ZNF518B: variants seen among roughly 807,000 people sequenced by gnomAD.
ZNF518B encodes the protein zinc finger protein 518B.
In ZNF518B, 23 loss-of-function variants were observed where a neutral mutation model predicts 56.3. The ratio of observed to expected loss-of-function variants is 0.41; its 90% CI spans 0.29 to 0.58. ZNF518B has a LOEUF of 0.58. Ranked by LOEUF, ZNF518B falls within the 20% of genes least tolerant of loss-of-function variation. The pLI is 0.32. For synonymous variants in ZNF518B, 529 were observed against 465.9 expected (o/e 1.14, Z -1.74); for missense variants, 1,460 against 1,272.1 (o/e 1.15, Z -2.25).
At chr4:10,447,439 C>A (rs1351975263) in intron 2 of ZNF518B, among the ~76,000 whole-genome samples, 1 of 151,990 alleles carries the variant, frequency 6.6e-6, no homozygotes, top group African/African-American at 2.4e-5. Flanking sequence ...AGGCAATGAT[C>A]TGTGGGAAGT....
In ZNF518B at chr4:10,443,973, T is replaced by C. The variant is rs144635768; in HGVS notation, c.2356A>G (p.Asn786Asp). 3 of 1,614,092 alleles carry C rather than the reference T, an allele frequency of 1.9e-6. No individual in the cohort carries two copies. The East Asian group carries it at 6.7e-5, about 36-fold the overall frequency. ...CATGTAGCCTCTATGATGTGGGCAT[T>C]CTCAGAGGAATTAAGAACCCTCAAC... ...AVLRVLNSSE[N>D]AHIIEATCEA... The change falls in exon 3 of 3, where the codon AAT becomes GAT. Residue 786 changes from asparagine (N) to aspartate (D), a missense_variant. By Grantham distance (23) the Asn-to-Asp change is conservative (BLOSUM62 1). Transcript: ENST00000326756.
intron 1 of ZNF518B, among the ~76,000 whole-genome samples, chr4:10,455,220 T>C (rs1398348990): frequency 6.6e-6 from 1 of 152,194 alleles, no homozygotes; most frequent in African/African-American, 2.4e-5. Context: ...TTCTCCCTAG[T>C]TGATTTTGAT....
At chr4:10,453,354 T>C (rs1715402435) in intron 2 of ZNF518B, 5 of 152,230 alleles carry the variant, frequency 3.3e-5, no homozygotes, top group Admixed American at 2.6e-4. Context: ...TGTATCAACA[T>C]GAGTTCATTA....
chr4:10,455,928 A>G (rs768506147), intron 1 of ZNF518B, among the ~76,000 whole-genome samples: 28 of 152,240 alleles, frequency 1.8e-4, no homozygotes, highest in Admixed American at 5.2e-4. Context: ...TTCTAAAACA[A>G]TATTTTCTGA....
rs1268366482 is a variant in ZNF518B, at chr4:10,444,545, C to T, written c.1784G>A (p.Ser595Asn). The part of the protein sequence containing the change: ...TVGQISSQHK[S>N]EYLHINITGE... ...AGTTATGTTTATATGTAAATACTCACTCTTATGTTGAGAGGAAATCTGGCC... is the reference window on the plus strand; with the variant it reads ...AGTTATGTTTATATGTAAATACTCATTCTTATGTTGAGAGGAAATCTGGCC... The change falls in exon 3 of 3, where the codon AGT (serine) becomes AAT (asparagine). Residue 595 changes from serine to asparagine, a missense_variant. By Grantham distance (46) the Ser-to-Asn change is conservative (BLOSUM62 1). Transcript: ENST00000326756. The T allele has an allele frequency of 2.5e-6, 4 of 1,614,024 alleles. No homozygotes were observed. Among genetic ancestry groups the T allele is most frequent in the Admixed American group, 3.3e-5 (2 of 60,006 alleles).
At position 10,443,837 on chromosome 4, in the gene ZNF518B, C is replaced by A. The variant is rs1290440311; in HGVS notation, c.2492G>T (p.Gly831Val). ...SDLQPLRSER[G>V]PIDMSPNIET... ...GATATTTGGGGACATATCTATTGGC[C>A]CCCTTTCACTTCTTAAAGGCTGTAA... The change falls in exon 3 of 3, where the codon GGG (glycine) becomes GTG (valine). Residue 831 changes from glycine to valine, a missense_variant. By Grantham distance (109) the Gly-to-Val change is moderately radical (BLOSUM62 -3). Transcript: ENST00000326756. 6.2e-7 allele frequency: 1 copy of A among 1,614,162 alleles called. No individual in the cohort carries two copies. Among genetic ancestry groups the A allele is most frequent in the East Asian group, 2.2e-5 (1 of 44,888 alleles).
Position 10,445,835 on chromosome 4 carries a change from G to C in ZNF518B, c.494C>G (p.Ser165Cys). The change falls in exon 3 of 3, where the codon TCT becomes TGT. Residue 165 changes from serine (S) to cysteine (C), a missense_variant. Transcript: ENST00000326756. ...CGTATACGAAATGTAGCTGCAGTGA[G>C]AACAAATGAATTTAATCTCCTCGTG... ...LQHEEIKFIC[S>C]HCSYISYTKG... The C allele has an allele frequency of 1.2e-6, 2 of 1,614,238 alleles. No individual in the cohort carries two copies. Among genetic ancestry groups the C allele is most frequent in the South Asian group, 1.1e-5 (1 of 91,082 alleles).
rs1028454325 is a variant in ZNF518B at position 10,441,057 on chromosome 4, G to T, written c.*2047C>A. On this transcript the variant is annotated 3_prime_UTR_variant, in exon 3 of 3. Transcript: ENST00000326756. ...TGCAGTAATAAAATGATCCAAAGGG[G>T]TTTCTACTCACTTGTTCACATAAAC... is the stretch of plus-strand genomic sequence containing the variant. 3.3e-5 allele frequency: 5 copies of T among 152,474 alleles called. No individual in the cohort carries two copies. Among genetic ancestry groups the T allele is most frequent in the African/African-American group, 1.2e-4 (5 of 41,386 alleles). The allele number at this position is 152,474 out of a possible 1,614,324, so 9.4% of individuals were successfully genotyped here. A position where few individuals can be genotyped will look rare whatever the true frequency, so the allele number is the denominator to read the frequency against.
rs1714734989 is a variant in ZNF518B, at chr4:10,442,634, TA to T, written c.*469del. On this transcript the variant is annotated 3_prime_UTR_variant, in exon 3 of 3. Transcript: ENST00000326756. Reference sequence around the variant, plus strand: ...ATTGAAGACAGTAAAGTAGAAAATATAATTTCCATTGTGCACCAAATACTCA... The same window carrying T: ...ATTGAAGACAGTAAAGTAGAAAATATATTTCCATTGTGCACCAAATACTCA... 1 of 156,062 alleles carries T rather than the reference TA, an allele frequency of 6.4e-6. No homozygotes were observed. The highest frequency in any genetic ancestry group is 1.4e-5 in the Non-Finnish European group (1 of 70,306). The allele number at this position is 156,062 out of a possible 1,614,324, so 9.7% of individuals were successfully genotyped here. A position where few individuals can be genotyped will look rare whatever the true frequency, so the allele number is the denominator to read the frequency against.
rs113835194 is a variant in ZNF518B at position 10,446,050 on chromosome 4, T to A, written c.279A>T (p.Ala93=). 8.7e-6 allele frequency: 14 copies of A among 1,614,154 alleles called. No individual in the cohort carries two copies. In the African/African-American group the frequency reaches 1.1e-4, roughly 12 times the overall value. Reference sequence around the variant, plus strand: ...TCACAAAATGAAAATTGGGAGGAGCTGCACCGAGGCTGCACTGGAAGCAGA... The same window carrying A: ...TCACAAAATGAAAATTGGGAGGAGCAGCACCGAGGCTGCACTGGAAGCAGA... The part of the protein sequence containing the change: ...MYVCFQCSLG[A]APPNFHFVSN... The change falls in exon 3 of 3, where the codon GCA becomes GCT. Residue 93 remains alanine, a synonymous_variant. Transcript: ENST00000326756.
intron 2 of ZNF518B, chr4:10,451,877 A>C (rs561012563): frequency 8.5e-5 from 13 of 152,356 alleles, no homozygotes; most frequent in African/African-American, 3.1e-4. Flanking sequence ...AGTTCAGCCA[A>C]ATTGTGAAAT....
At position 10,444,850 on chromosome 4, in the gene ZNF518B, ACT is replaced by A; in HGVS notation, c.1477_1478del (p.Ser493CysfsTer4). The A allele has an allele frequency of 6.2e-7, 1 of 1,613,988 alleles. No individual in the cohort carries two copies. The highest frequency in any genetic ancestry group is 1.1e-5 in the South Asian group (1 of 91,060). On this transcript the variant is annotated frameshift_variant, in exon 3 of 3. Coordinates refer to ENST00000326756, the MANE Select transcript of ZNF518B (RefSeq NM_053042.3). LOFTEE classifies it high-confidence loss of function. ...ATGCAGCTCCAAGACTACGTAAAAC[ACT>A]GTTTTTAAATACAGATGCTAGAGAA... Reference protein sequence around the residue: ...GHSLASVFKNSVLRSLGAASN... With the variant: ...GHSLASVFKNXVLRSLGAASN...
rs1216870880 is a variant in ZNF518B at position 10,446,638 on chromosome 4, G to T, written c.-211-99C>A. 2.7e-5 allele frequency: 7 copies of T among 255,808 alleles called. No homozygotes were observed. The East Asian group carries it at 5.1e-4, about 19-fold the overall frequency. The allele number at this position is 255,808 out of a possible 1,614,324, so 15.8% of individuals were successfully genotyped here. A position where few individuals can be genotyped will look rare whatever the true frequency, so the allele number is the denominator to read the frequency against. Reference sequence around the variant, plus strand: ...TTTTAATGGCCTTGGACATTTTATGGTAAATCTCAACGTATGATTTTAGAC... The same window carrying T: ...TTTTAATGGCCTTGGACATTTTATGTTAAATCTCAACGTATGATTTTAGAC... On this transcript the variant is annotated intron_variant, in intron 2 of 2. Coordinates refer to ENST00000326756, the MANE Select transcript of ZNF518B (RefSeq NM_053042.3).
upstream of ZNF518B, among the ~76,000 whole-genome samples, chr4:10,460,332 A>AAAAAAAC (rs1715709147): frequency 6.9e-6 from 1 of 145,536 alleles, no homozygotes; most frequent in Non-Finnish European, 1.5e-5. Context: ...AACCAAAAAA[A>AAAAAAAC]AAAAAACCGA....
chr4:10,447,374 G>A (rs558520951), intron 2 of ZNF518B, among the ~76,000 whole-genome samples: 1 of 152,232 alleles, frequency 6.6e-6, no homozygotes, highest in South Asian at 2.1e-4. Flanking sequence ...GAGACCTGGG[G>A]GCAACCACAG....
At chr4:10,453,198 C>A (rs1376457635) in intron 2 of ZNF518B, 1 of 152,180 alleles carries the variant, frequency 6.6e-6, no homozygotes, top group African/African-American at 2.4e-5. Flanking sequence ...TGGGAGGTAA[C>A]TTTATGCTTG....
At chr4:10,450,556 ATC>A (rs34910306) in intron 2 of ZNF518B, among the ~76,000 whole-genome samples, 14,163 of 150,050 alleles carry the variant, frequency 0.094, 1,828 homozygotes, top group African/African-American at 0.29. Context: ...CAGCAGGCAT[ATC>A]TGTGTAAAAG....
In ZNF518B at chr4:10,441,480, A is replaced by G. The variant is rs1342829651; in HGVS notation, c.*1624T>C. ...AATCAAAGTCTCCAATCGACTACCC[A>G]ATAAACAATCACTGGTGTCTTTTTC... On this transcript the variant is annotated 3_prime_UTR_variant, in exon 3 of 3. Transcript: ENST00000326756. 8.0e-5 allele frequency: 12 copies of G among 150,644 alleles called. No individual in the cohort carries two copies. Among genetic ancestry groups the G allele is most frequent in the Non-Finnish European group, 1.5e-4 (10 of 67,730 alleles). 9.3% of individuals were successfully genotyped at this position (150,644 alleles called of 1,614,324 possible). A position where few individuals can be genotyped will look rare whatever the true frequency, so the allele number is the denominator to read the frequency against.
intron 2 of ZNF518B, among the ~76,000 whole-genome samples, chr4:10,449,496 T>C (rs2108992187): frequency 1.3e-5 from 2 of 152,332 alleles, no homozygotes; most frequent in African/African-American, 4.8e-5. Context: ...ATAGTTCTCA[T>C]TACCAACAAT....
Sources: gnomAD v4.1 joint callset for allele counts (sites outside exome capture counted in the v4.1 genomes callset) on GRCh38, gnomAD v4.1.1 for gene constraint, MANE v1.5 for transcripts, NCBI Gene and HGNC (gene_info 2026-07-23, HGNC 2026-07-21) for gene names.